The following IL20RA variants were observed in gnomAD, a reference collection of about 807,000 sequenced individuals.
The protein encoded by IL20RA is interleukin 20 receptor subunit alpha.
A neutral mutation model predicts 36.5 loss-of-function variants in IL20RA; 29 were observed. The ratio of observed to expected loss-of-function variants is 0.79; its 90% CI spans 0.59 to 1.08. The LOEUF (loss-of-function observed/expected upper bound fraction) is 1.08, where lower values mean the gene tolerates loss of function less well. IL20RA is among the 50% of genes least tolerant of loss of function. IL20RA has a pLI of 0.00. For missense variants in IL20RA, 652 were observed against 668.4 expected (o/e 0.98, Z 0.27); for synonymous variants, 279 against 267.1 (o/e 1.04, Z -0.43).
At position 137,008,663 on chromosome 6, in the gene IL20RA, G is replaced by T. The variant is rs766382750; in HGVS notation, c.660C>A (p.Ser220=). The change falls in exon 5 of 7, where the codon TCC becomes TCA. Residue 220 remains serine, a synonymous_variant. Coordinates refer to ENST00000316649, the MANE Select transcript of IL20RA (RefSeq NM_014432.4). ...PNTLYCVHVE[S]FVPGPPRRAQ... is the part of the protein sequence containing the mutation. ...CACGGCGAGGGGGCCCTGGGACGAA[G>T]GACTCCACGTGTACGCAGTAAAGAG... 2 of 1,608,758 alleles carry T rather than the reference G, an allele frequency of 1.2e-6. No homozygotes were observed. Among genetic ancestry groups the T allele is most frequent in the Non-Finnish European group, 1.7e-6 (2 of 1,177,654 alleles).
chr6:137,016,369 G>A (rs962777449), intron 2 of IL20RA, among the ~76,000 whole-genome samples: 1 of 152,174 alleles, frequency 6.6e-6, no homozygotes, highest in African/African-American at 2.4e-5. Context: ...ATTTCCTGTG[G>A]TTGGAGCTGG....
At chr6:137,020,503 ACC>A (rs5880326) in intron 1 of IL20RA, among the ~76,000 whole-genome samples, 1 of 141,678 alleles carries the variant, frequency 7.1e-6, no homozygotes, top group East Asian at 2.0e-4. Flanking sequence ...AAAAAAAAAA[ACC>A]CCTCCATTCC....
chr6:137,004,174 T>TGTTTTTGTTTTTG lies in IL20RA; in HGVS notation c.864+446_864+447insCAAAAACAAAAAC, dbSNP rs548602821. 7.2e-5 allele frequency among the ~76,000 whole-genome samples: 9 copies of TGTTTTTGTTTTTG among 124,492 alleles called. 1 individual carries two copies. The South Asian group carries it at 2.0e-3, about 27-fold the overall frequency. The allele number at this position is 124,492 out of a possible 152,430, so 81.7% of individuals were successfully genotyped here. On this transcript the variant is annotated intron_variant, in intron 6 of 6. Coordinates refer to ENST00000316649, the MANE Select transcript of IL20RA (RefSeq NM_014432.4). ...ATCCAGAAAGCTTTTTTTTTTTTTT[T>TGTTTTTGTTTTTG]TTTTTTTTTTTGAGACAGAGCCTCA... is the stretch of plus-strand genomic sequence containing the variant.
Position 137,044,647 on chromosome 6 carries a change from G to A in IL20RA, c.82C>T (p.Arg28Trp). The part of the protein sequence containing the change: ...LLLLLAAPWG[R>W]AVPCVSGGLP... ...GGCGGCGCGACCCACCTACCTGCCC[G>A]TCCCCAAGGCGCCGCCAGGAGCAAC... Residue 28 changes from arginine (R) to tryptophan (W), a missense_variant, in exon 1 of 7, where the codon CGG (arginine) becomes TGG (tryptophan). Arg to Trp is a moderately radical substitution (Grantham distance 101, BLOSUM62 -3). Coordinates refer to ENST00000316649, the MANE Select transcript of IL20RA (RefSeq NM_014432.4). The A allele has an allele frequency of 4.1e-6, 5 of 1,223,224 alleles. No homozygotes were observed. Among genetic ancestry groups the A allele is most frequent in the Non-Finnish European group, 5.1e-6 (5 of 982,080 alleles). 75.8% of individuals were successfully genotyped at this position (1,223,224 alleles called of 1,614,324 possible). A position where few individuals can be genotyped will look rare whatever the true frequency, so the allele number is the denominator to read the frequency against.
intron 1 of IL20RA, among the ~76,000 whole-genome samples, chr6:137,027,563 C>T (rs764763160): frequency 2.0e-5 from 3 of 152,230 alleles, no homozygotes; most frequent in Non-Finnish European, 2.9e-5. Flanking sequence ...AAGCCAGTTA[C>T]TTAACCTCTG....
chr6:137,043,536 T>C (rs1167137570), intron 1 of IL20RA, among the ~76,000 whole-genome samples: 1 of 152,240 alleles, frequency 6.6e-6, no homozygotes, highest in Non-Finnish European at 1.5e-5. Flanking sequence ...TAATTTCTGA[T>C]AAATTTAAAA....
chr6:137,002,186 C>T lies in IL20RA; in HGVS notation c.1034G>A (p.Ser345Asn), dbSNP rs781310057. 5.6e-6 allele frequency: 9 copies of T among 1,614,092 alleles called. No individual in the cohort carries two copies. The highest frequency in any genetic ancestry group is 7.6e-6 in the Non-Finnish European group (9 of 1,180,006). Residue 345 changes from serine (S) to asparagine (N), a missense_variant, in exon 7 of 7, where the codon AGC becomes AAC. Physicochemically the swap from Ser to Asn is conservative, Grantham distance 46. Coordinates refer to ENST00000316649, the MANE Select transcript of IL20RA (RefSeq NM_014432.4). ...DVSSLNDPQP[S>N]GNLRPPQEEE... ...CTCCTGAGGGGGCCTCAGGTTCCCG[C>T]TGGGCTGAGGATCATTAAGGCTGGA...
chr6:137,003,887 A>G (rs533626335), intron 6 of IL20RA, among the ~76,000 whole-genome samples: 1 of 151,418 alleles, frequency 6.6e-6, no homozygotes, highest in South Asian at 2.1e-4. Flanking sequence ...ACTCCTACTC[A>G]CCTCTCATAG....
At position 137,000,112 on chromosome 6, in the gene IL20RA, CA is replaced by C. The variant is rs1260745440; in HGVS notation, c.*1445del. 6.6e-6 allele frequency: 1 copy of C among 152,182 alleles called. No individual in the cohort carries two copies. Among genetic ancestry groups the C allele is most frequent in the East Asian group, 1.9e-4 (1 of 5,204 alleles). 9.4% of individuals were successfully genotyped at this position (152,182 alleles called of 1,614,324 possible). On this transcript the variant is annotated 3_prime_UTR_variant, in exon 7 of 7. Coordinates refer to ENST00000316649, the MANE Select transcript of IL20RA (RefSeq NM_014432.4). ...TCTATAAAGATTGAGAATAACAGAA[CA>C]CTCTGATTAATATAATTACTCCCTA...
At chr6:137,002,479 T>C (rs771367925) in intron 6 of IL20RA, 124 bp from the exon 7 acceptor site, 6 of 652,800 alleles carry the variant, frequency 9.2e-6, no homozygotes, top group Non-Finnish European at 1.6e-5. Flanking sequence ...CTCATGTAAA[T>C]GAAAGTTATG....
chr6:137,021,257 G>A (rs1775893807), intron 1 of IL20RA, among the ~76,000 whole-genome samples: 1 of 152,050 alleles, frequency 6.6e-6, no homozygotes, highest in African/African-American at 2.4e-5. Context: ...CTACAGAGAG[G>A]TTTGACTTTT....
intron 2 of IL20RA, among the ~76,000 whole-genome samples, chr6:137,012,642 T>C (rs1261422716): frequency 2.0e-5 from 3 of 151,912 alleles, no homozygotes; most frequent in East Asian, 1.9e-4. Context: ...GAATGATCCA[T>C]GGAAACAAAA....
chr6:137,001,918 C>A lies in IL20RA; in HGVS notation c.1302G>T (p.Ser434=), dbSNP rs1490255711. ...EVSTQGTLLE[S]QAALAVLGPQ... ...GGCCCAAGACTGCCAACGCTGCCTG[C>A]GACTCCAATAATGTTCCTTGTGTGG... The change falls in exon 7 of 7, where the codon TCG becomes TCT. Residue 434 remains serine, a synonymous_variant. Coordinates refer to ENST00000316649, the MANE Select transcript of IL20RA (RefSeq NM_014432.4). The A allele has an allele frequency of 6.2e-7, 1 of 1,613,968 alleles. No individual in the cohort carries two copies. The highest frequency in any genetic ancestry group is 8.5e-7 in the Non-Finnish European group (1 of 1,180,002).
intron 3 of IL20RA, among the ~76,000 whole-genome samples, chr6:137,010,611 A>T (rs1775457622): frequency 6.6e-6 from 1 of 152,190 alleles, no homozygotes; most frequent in Admixed American, 6.5e-5. Flanking sequence ...TTCATGACTG[A>T]GTCAGCCATA....
chr6:137,033,252 G>A lies in IL20RA; in HGVS notation c.88+11389C>T, dbSNP rs552677929. Among the ~76,000 whole-genome samples the A allele has an allele frequency of 1.5e-3, 221 of 152,252 alleles. 1 individual carries two copies. Among genetic ancestry groups the A allele is most frequent in the African/African-American group, 5.2e-3 (214 of 41,548 alleles). On this transcript the variant is annotated intron_variant, in intron 1 of 6. Coordinates refer to ENST00000316649, the MANE Select transcript of IL20RA (RefSeq NM_014432.4). Reference sequence around the variant, plus strand: ...ATCACTCCAGTCTCTGCTCACCTTGGCCTTCATGTGGTTTTTCTGAGTCCC... The same window carrying A: ...ATCACTCCAGTCTCTGCTCACCTTGACCTTCATGTGGTTTTTCTGAGTCCC...
At chr6:137,019,746 T>C (rs920816540) in intron 1 of IL20RA, among the ~76,000 whole-genome samples, 3 of 152,204 alleles carry the variant, frequency 2.0e-5, no homozygotes, top group Non-Finnish European at 2.9e-5. Context: ...CTGGTAATGA[T>C]ATTAAACCAA....
intron 1 of IL20RA, among the ~76,000 whole-genome samples, chr6:137,027,096 G>T (rs1776116772): frequency 6.6e-6 from 1 of 152,048 alleles, no homozygotes; most frequent in African/African-American, 2.4e-5. Context: ...TGGCCAGGCT[G>T]GCCTCAAACT....
intron 1 of IL20RA, among the ~76,000 whole-genome samples, chr6:137,043,219 A>C (rs113920853): frequency 2.0e-5 from 3 of 152,068 alleles, no homozygotes; most frequent in Middle Eastern, 3.2e-3. Flanking sequence ...CGGAGTAGCT[A>C]GGACTACAGG....
intron 4 of IL20RA, 49 bp from the exon 5 acceptor site, chr6:137,008,792 C>A: frequency 7.0e-7 from 1 of 1,430,624 alleles, no homozygotes; most frequent in South Asian, 1.6e-5. Context: ...ATTTCTGGGA[C>A]CACCCCAGAC....
Sources: allele counts gnomAD v4.1 joint callset (sites outside exome capture counted in the v4.1 genomes callset), GRCh38; gene constraint gnomAD v4.1.1; transcripts MANE v1.5; gene names NCBI Gene and HGNC (gene_info 2026-07-23, HGNC 2026-07-21).